The following JUP variants were observed in gnomAD, a reference collection of about 807,000 sequenced individuals.
JUP encodes catenin (cadherin-associated protein), gamma 80kDa.
Under a neutral mutation model 71.1 loss-of-function variants are expected in JUP, and 28 were observed. The ratio of observed to expected loss-of-function variants is 0.39; its 90% CI spans 0.29 to 0.54. The LOEUF is 0.54. JUP is among the 20% of genes least tolerant of loss of function. The pLI, the probability that JUP is intolerant of heterozygous loss-of-function variation, is 0.62. For synonymous variants in JUP, 401 were observed against 438.9 expected (o/e 0.91, Z 1.08); for missense variants, 869 against 1,030.1 (o/e 0.84, Z 2.14).
chr17:41,759,648 C>T (rs1167791131), intron 8 of JUP, among the ~76,000 whole-genome samples: 1 of 152,126 alleles, frequency 6.6e-6, no homozygotes, highest in Non-Finnish European at 1.5e-5. Flanking sequence ...GATCTCCTCC[C>T]CAGGGTCTTT....
chr17:41,769,316 T>G, intron 3 of JUP, 102 bp downstream of exon 3: 1 of 1,565,264 alleles, frequency 6.4e-7, no homozygotes, highest in East Asian at 2.2e-5. Flanking sequence ...CGGGAGAGTC[T>G]GGGTCATAAC....
At chr17:41,758,059 T>C (rs1555599164) in intron 10 of JUP, 2 of 553,226 alleles carry the variant, frequency 3.6e-6, no homozygotes, top group Non-Finnish European at 3.2e-6. Context: ...TTGTCTGTTA[T>C]GGTACTTGCA....
At chr17:41,773,459 G>A (rs1446225257) in intron 1 of JUP, among the ~76,000 whole-genome samples, 1 of 152,222 alleles carries the variant, frequency 6.6e-6, no homozygotes, top group African/African-American at 2.4e-5. Flanking sequence ...TAGTGACTCA[G>A]AGTTTCAGGC....
rs1914076341 is a variant in JUP, at chr17:41,757,697, T to C, written c.1861A>G (p.Ile621Val). The change falls in exon 11 of 14, where the codon ATT becomes GTT. Residue 621 changes from isoleucine (I) to valine (V), a missense_variant. Coordinates refer to ENST00000393931, the MANE Select transcript of JUP (RefSeq NM_002230.4). ...LAQDKEAADA[I>V]DAEGASAPLM... ...GGGGCCGAGGCCCCCTCTGCATCAATGGCGTCGGCCGCCTCCTTGTCCTGG... is the reference window on the plus strand; with the variant it reads ...GGGGCCGAGGCCCCCTCTGCATCAACGGCGTCGGCCGCCTCCTTGTCCTGG... 2 of 1,613,200 alleles carry C rather than the reference T, an allele frequency of 1.2e-6. No homozygotes were observed. Among genetic ancestry groups the C allele is most frequent in the African/African-American group, 1.3e-5 (1 of 74,862 alleles).
rs982043870 is a variant in JUP at position 41,772,296 on chromosome 17, G to A, written c.-8-434C>T. On this transcript the variant is annotated intron_variant, in intron 1 of 13. Transcript: ENST00000393931. ...CCACCCTCAACTACTGGGGCTCCCTGGGAAAGGCTGCAGGGAGGAGGCACC... is the reference window on the plus strand; with the variant it reads ...CCACCCTCAACTACTGGGGCTCCCTAGGAAAGGCTGCAGGGAGGAGGCACC... 1.0e-5 allele frequency: 3 copies of A among 296,410 alleles called. No homozygotes were observed. The South Asian group carries it at 1.0e-4, about 10-fold the overall frequency. 18.4% of individuals were successfully genotyped at this position (296,410 alleles called of 1,614,324 possible). A position where few individuals can be genotyped will look rare whatever the true frequency, so the allele number is the denominator to read the frequency against.
Position 41,758,074 on chromosome 17 carries a change from T to C in JUP, c.1774-290A>G, listed in dbSNP as rs1914156687. 3.3e-5 allele frequency: 18 copies of C among 537,448 alleles called. No homozygotes were observed. The South Asian group carries it at 4.9e-4, about 15-fold the overall frequency. 33.3% of individuals were successfully genotyped at this position (537,448 alleles called of 1,614,324 possible). A position where few individuals can be genotyped will look rare whatever the true frequency, so the allele number is the denominator to read the frequency against. On this transcript the variant is annotated intron_variant, in intron 10 of 13. Transcript: ENST00000393931. ...TTGTCTGTTATGGTACTTGCACATA[T>C]TCTCCCAGTTTGCTGATTTTTTAAA...
chr17:41,785,172 A>G (rs1597877988), intron 1 of JUP: 2 of 152,188 alleles, frequency 1.3e-5, no homozygotes, highest in East Asian at 3.9e-4. Flanking sequence ...CACAATTCAG[A>G]AATCAAATGG....
chr17:41,756,097 CATA>C, intron 13 of JUP, 75 bp downstream of exon 13: 1 of 1,457,176 alleles, frequency 6.9e-7, no homozygotes, highest in Non-Finnish European at 9.6e-7. Context: ...GCCCCGGAGA[CATA>C]ATATTGTCCC....
intron 1 of JUP, among the ~76,000 whole-genome samples, chr17:41,780,362 A>G (rs1287754719): frequency 6.6e-6 from 1 of 151,412 alleles, no homozygotes; most frequent in Non-Finnish European, 1.5e-5. Flanking sequence ...ACGCCACTGC[A>G]CTCTAGCCTA....
In JUP at chr17:41,754,778, C is replaced by T. The variant is rs1913415247; in HGVS notation, c.*966G>A. On this transcript the variant is annotated 3_prime_UTR_variant, in exon 14 of 14. Transcript: ENST00000393931. ...GGAAGGGGAAGAGAAAGCCCCTCAC[C>T]ACACACCAGAGGGGTCAGCCAAGAG... 1 of 153,018 alleles carries T rather than the reference C, an allele frequency of 6.5e-6. No individual in the cohort carries two copies. The highest frequency in any genetic ancestry group is 1.5e-5 in the Non-Finnish European group (1 of 68,426). 9.5% of individuals were successfully genotyped at this position (153,018 alleles called of 1,614,324 possible). A position where few individuals can be genotyped will look rare whatever the true frequency, so the allele number is the denominator to read the frequency against.
At chr17:41,762,154 AGAGAGAGAGAGAGAGAGAGAGAGT>A (rs1272110806) in intron 8 of JUP, among the ~76,000 whole-genome samples, 10 of 115,522 alleles carry the variant, frequency 8.7e-5, no homozygotes, top group Admixed American at 2.7e-4. Flanking sequence ...AGAGAGAGAG[AGAGAGAGAGAGAGAGAGAGAGAGT>A]GTGTGTGTGT....
intron 1 of JUP, among the ~76,000 whole-genome samples, chr17:41,785,361 AC>A (rs2047402016): frequency 2.0e-5 from 3 of 152,006 alleles, no homozygotes; most frequent in Non-Finnish European, 4.4e-5. Flanking sequence ...TTGAGAGACA[AC>A]CACTTACGCA....
chr17:41,758,113 G>A lies in JUP; in HGVS notation c.1773+286C>T, dbSNP rs1176808299. The A allele has an allele frequency of 1.2e-5, 6 of 520,318 alleles. No homozygotes were observed. The East Asian group carries it at 1.8e-4, about 16-fold the overall frequency. 32.2% of individuals were successfully genotyped at this position (520,318 alleles called of 1,614,324 possible). A position where few individuals can be genotyped will look rare whatever the true frequency, so the allele number is the denominator to read the frequency against. On this transcript the variant is annotated intron_variant, in intron 10 of 13. Coordinates refer to ENST00000393931, the MANE Select transcript of JUP (RefSeq NM_002230.4). ...TGATTTTTTAAAAATGCTTTTTTAGGTTCTTTCTGAAATACAGATGGTTTT... is the reference window on the plus strand; with the variant it reads ...TGATTTTTTAAAAATGCTTTTTTAGATTCTTTCTGAAATACAGATGGTTTT...
intron 5 of JUP, among the ~76,000 whole-genome samples, chr17:41,767,066 C>T (rs1555604365): frequency 6.7e-6 from 1 of 148,616 alleles, no homozygotes; most frequent in African/African-American, 2.5e-5. Flanking sequence ...AAAAAAAAAT[C>T]AGGCAGAAAA....
Position 41,758,638 on chromosome 17 carries a change from C to G in JUP, c.1653+77G>C. On this transcript the variant is annotated intron_variant, in intron 9 of 13. Transcript: ENST00000393931. ...AATTGGCATCAGTTGCAACTGACCTCCCCATTCACACACACACCCACAGAG... is the reference window on the plus strand; with the variant it reads ...AATTGGCATCAGTTGCAACTGACCTGCCCATTCACACACACACCCACAGAG... The G allele has an allele frequency of 1.9e-6, 3 of 1,581,234 alleles. No individual in the cohort carries two copies. The South Asian group carries it at 3.4e-5, about 18-fold the overall frequency.
rs782632671 is a variant in JUP at position 41,757,415 on chromosome 17, A to T, written c.2046T>A (p.Ala682=). ...CTGTGGTCCAACCTAGGATACTCAC[A>T]GCCTCCCAGGCAGCCGGGTCATGCT... ...LFKHDPAAWE[A]AQSMIPINEP... is the part of the protein sequence containing the mutation. The change falls in exon 12 of 14, where the codon GCT becomes GCA. Residue 682 remains alanine, a splice_region_variant and synonymous_variant. Coordinates refer to ENST00000393931, the MANE Select transcript of JUP (RefSeq NM_002230.4). 1.2e-5 allele frequency: 19 copies of T among 1,614,250 alleles called. No homozygotes were observed. In the Admixed American group the frequency reaches 3.2e-4, roughly 27 times the overall value.
In JUP at chr17:41,765,025, T is replaced by G. The variant is rs782616837; in HGVS notation, c.952A>C (p.Ile318Leu). Residue 318 changes from isoleucine (I) to leucine (L), a missense_variant, in exon 6 of 14, where the codon ATC becomes CTC. Physicochemically the swap from Ile to Leu is conservative, Grantham distance 5. Coordinates refer to ENST00000393931, the MANE Select transcript of JUP (RefSeq NM_002230.4). ...ANGGPQALVQIMRNYSYEKLL... is the reference protein window; with the variant it reads ...ANGGPQALVQLMRNYSYEKLL... ...TTTTCATAACTGTAGTTACGCATGA[T>G]CTGCACGAGGGCCTGGGGCCCACCA... 6.2e-7 allele frequency: 1 copy of G among 1,614,062 alleles called. No homozygotes were observed. Among genetic ancestry groups the G allele is most frequent in the South Asian group, 1.1e-5 (1 of 91,076 alleles).
intron 1 of JUP, among the ~76,000 whole-genome samples, chr17:41,782,354 A>T (rs1022900974): frequency 6.6e-6 from 1 of 152,216 alleles, no homozygotes; most frequent in African/African-American, 2.4e-5. Flanking sequence ...CATCAAGAGC[A>T]GCCTGGCAGC....
At chr17:41,766,162 G>C (rs7405761) in intron 5 of JUP, among the ~76,000 whole-genome samples, 93,612 of 151,938 alleles carry the variant, frequency 0.62, 30,134 homozygotes, top group Non-Finnish European at 0.73. Flanking sequence ...TAAGATGGGA[G>C]GAATGCTTGA....
Sources: gnomAD v4.1 joint callset for allele counts (sites outside exome capture counted in the v4.1 genomes callset) on GRCh38, gnomAD v4.1.1 for gene constraint, MANE v1.5 for transcripts, NCBI Gene and HGNC (gene_info 2026-07-23, HGNC 2026-07-21) for gene names.